Variants in ANXA4 observed in about 807,000 individuals in gnomAD.
The protein encoded by ANXA4 is annexin A4.
ANXA4 carries 39 observed loss-of-function variants against 49.8 expected under a neutral mutation model. The ratio of observed to expected loss-of-function variants is 0.78; its 90% confidence interval spans 0.61 to 1.02. The LOEUF is 1.02. Among genes scored for constraint, ANXA4 ranks in the 50% least tolerant of loss-of-function variants. The probability of loss-of-function intolerance (pLI) is 0.00; values close to 1 mark genes in which losing one functional copy is unlikely to be tolerated. For synonymous variants in ANXA4, 134 were observed against 152.5 expected, an observed-to-expected ratio of 0.88 and a Z score of 0.89; for missense variants, 360 against 410.1, an observed-to-expected ratio of 0.88 and a Z score of 1.05.
intron 2 of ANXA4, among the ~76,000 whole-genome samples, chr2:69,712,490 C>T (rs1379598169): frequency 2.6e-5 from 4 of 152,244 alleles, no homozygotes; most frequent in Non-Finnish European, 2.9e-5. Flanking sequence ...TAAAGGTTAA[C>T]GGTGGCATTT....
At chr2:69,800,963 G>T (rs1673168381) in intron 3 of ANXA4, among the ~76,000 whole-genome samples, 1 of 152,266 alleles carries the variant, frequency 6.6e-6, no homozygotes, top group Admixed American at 6.5e-5. Flanking sequence ...ATGCAGAGGG[G>T]TTTATAGATG....
intron 2 of ANXA4, among the ~76,000 whole-genome samples, chr2:69,677,892 A>G (rs1471382797): frequency 1.3e-5 from 2 of 152,260 alleles, no homozygotes; most frequent in African/African-American, 4.8e-5. Context: ...TCTCCCCTGA[A>G]GACCCTCATG....
intron 3 of ANXA4, among the ~76,000 whole-genome samples, chr2:69,730,458 T>C (rs1670068570): frequency 6.6e-6 from 1 of 152,208 alleles, no homozygotes; most frequent in African/African-American, 2.4e-5. Flanking sequence ...GCCGAGATTG[T>C]ACCATTGCAC....
intron 1 of ANXA4, among the ~76,000 whole-genome samples, chr2:69,780,790 G>A (rs1419724694): frequency 1.3e-5 from 2 of 152,144 alleles, no homozygotes; most frequent in South Asian, 2.1e-4. Flanking sequence ...CTTAGATATG[G>A]GAATAGGAGG....
chr2:69,771,549 A>G (rs1395315113), intron 1 of ANXA4, among the ~76,000 whole-genome samples: 1 of 152,214 alleles, frequency 6.6e-6, no homozygotes, highest in African/African-American at 2.4e-5. Context: ...CCCGCTTTCC[A>G]AATGCTGGGT....
chr2:69,661,112 C>A lies in ANXA4; in HGVS notation n.766+7830C>A, dbSNP rs558944045. On this transcript the variant is annotated intron_variant and non_coding_transcript_variant, in intron 2 of 3. Coordinates refer to the ANXA4 transcript ENST00000418066. ...TCATGACAACAATACAGGCCAGAAACAAAGGATTAATATCTTCAAAGTGGG... is the reference window on the plus strand; with the variant it reads ...TCATGACAACAATACAGGCCAGAAAAAAAGGATTAATATCTTCAAAGTGGG... Among the ~76,000 whole-genome samples, 310 of 148,744 alleles carry A rather than the reference C, an allele frequency of 2.1e-3. 3 individuals are homozygous for A. Among genetic ancestry groups the A allele is most frequent in the African/African-American group, 7.4e-3 (300 of 40,352 alleles).
At chr2:69,776,367 T>C (rs542875900) in intron 1 of ANXA4, among the ~76,000 whole-genome samples, 15 of 152,318 alleles carry the variant, frequency 9.8e-5, no homozygotes, top group Admixed American at 5.9e-4. Context: ...CCAACCCTTT[T>C]GTTCTTTCTC....
chr2:69,704,688 TTTC>T (rs1172139197), intron 2 of ANXA4, among the ~76,000 whole-genome samples: 1 of 152,112 alleles, frequency 6.6e-6, no homozygotes, highest in Non-Finnish European at 1.5e-5. Flanking sequence ...CACAAACAGT[TTTC>T]AAGTTTCTGC....
intron 2 of ANXA4, among the ~76,000 whole-genome samples, chr2:69,669,175 C>T (rs1677060602): frequency 6.7e-6 from 1 of 149,746 alleles, no homozygotes; most frequent in Admixed American, 6.8e-5. Flanking sequence ...AAACTCCTGA[C>T]CTCAGGTGAT....
chr2:69,682,751 T>C (rs1677643262), intron 2 of ANXA4, among the ~76,000 whole-genome samples: 2 of 152,184 alleles, frequency 1.3e-5, no homozygotes, highest in South Asian at 2.1e-4. Context: ...AATGACATCA[T>C]TGAGAAGTAA....
At chr2:69,652,784 A>C (rs977480813) in intron 1 of ANXA4, among the ~76,000 whole-genome samples, 1 of 152,148 alleles carries the variant, frequency 6.6e-6, no homozygotes, top group Non-Finnish European at 1.5e-5. Context: ...AGTTGAACCC[A>C]GGATGCGGAG....
intron 1 of ANXA4, among the ~76,000 whole-genome samples, chr2:69,748,500 T>C (rs1480442447): frequency 6.6e-6 from 1 of 150,538 alleles, no homozygotes; most frequent in African/African-American, 2.4e-5. Context: ...ATATATTAAT[T>C]ATAAAATTAT....
At chr2:69,781,702 A>G in intron 2 of ANXA4, 128 bp downstream of exon 2, 1 of 1,088,910 alleles carries the variant, frequency 9.2e-7, no homozygotes, top group South Asian at 1.3e-5. Context: ...GGACATGAAA[A>G]GGCAGGTCTA....
intron 2 of ANXA4, among the ~76,000 whole-genome samples, chr2:69,658,962 C>T (rs1676611124): frequency 6.6e-6 from 1 of 152,188 alleles, no homozygotes. Flanking sequence ...TCCCAAAGTG[C>T]TGGGATTACA....
Position 69,818,618 on chromosome 2 carries a change from G to T in ANXA4, c.648G>T (p.Arg216Ser), listed in dbSNP as rs1268882681. Residue 216 changes from arginine to serine, a missense_variant, in exon 10 of 13, where the codon AGG (arginine) becomes AGT (serine). By Grantham distance (110) the Arg-to-Ser change is moderately radical. Transcript: ENST00000394295. ...HLLHVFDEYKRISQKDIEQSI... is the reference protein window; with the variant it reads ...HLLHVFDEYKSISQKDIEQSI... Reference sequence around the variant, plus strand: ...CTGCAGTGTTTGATGAATACAAAAGGATATCACAGAAGGATATTGAACAGA... The same window carrying T: ...CTGCAGTGTTTGATGAATACAAAAGTATATCACAGAAGGATATTGAACAGA... 2 of 1,606,064 alleles carry T rather than the reference G, an allele frequency of 1.2e-6. No individual in the cohort carries two copies. The highest frequency in any genetic ancestry group is 1.7e-5 in the Admixed American group (1 of 59,082).
chr2:69,721,091 C>A (rs1360512199), intron 3 of ANXA4, among the ~76,000 whole-genome samples: 1 of 152,262 alleles, frequency 6.6e-6, no homozygotes, highest in Non-Finnish European at 1.5e-5. Context: ...CCTGGGCCTG[C>A]ATGCCCCCAT....
chr2:69,747,307 G>A (rs971067216), intron 1 of ANXA4, among the ~76,000 whole-genome samples: 2 of 152,188 alleles, frequency 1.3e-5, no homozygotes, highest in African/African-American at 4.8e-5. Flanking sequence ...TGATTTATAT[G>A]CGATTGAACC....
At chr2:69,667,965 C>T (rs1285545631) in intron 2 of ANXA4, among the ~76,000 whole-genome samples, 1 of 152,162 alleles carries the variant, frequency 6.6e-6, no homozygotes, top group African/African-American at 2.4e-5. Flanking sequence ...CAGAGATGCA[C>T]TAGTGAGCAT....
chr2:69,816,203 C>T lies in ANXA4; in HGVS notation c.628+9C>T, dbSNP rs1460148294. The T allele has an allele frequency of 1.2e-6, 2 of 1,612,206 alleles. No homozygotes were observed. Among genetic ancestry groups the T allele is most frequent in the East Asian group, 4.5e-5 (2 of 44,878 alleles). On this transcript the variant is annotated intron_variant, in intron 9 of 12. Coordinates refer to ENST00000394295, the MANE Select transcript of ANXA4 (RefSeq NM_001153.5). The stretch of plus-strand genomic sequence containing the variant: ...AAATCACCTGTTGCATGGTAAGGCA[C>T]TTACTTCATTTCCCAAAGAAAAGGA...
Sources: allele counts gnomAD v4.1 joint callset (sites outside exome capture counted in the v4.1 genomes callset), GRCh38; gene constraint gnomAD v4.1.1; transcripts MANE v1.5; gene names NCBI Gene and HGNC (gene_info 2026-07-23, HGNC 2026-07-21).